KIRREL3: variants seen among roughly 807,000 people sequenced by gnomAD.
KIRREL3 encodes the protein kirre like nephrin family adhesion molecule 3, also known as kin of IRRE-like protein 3.
KIRREL3 carries 36 observed loss-of-function variants against 89.7 expected under a neutral mutation model. The ratio of observed to expected loss-of-function variants is 0.40; its 90% CI spans 0.31 to 0.53. The LOEUF is 0.53. KIRREL3 is among the 20% of genes least tolerant of loss of function. KIRREL3 has a pLI of 0.49. For missense variants in KIRREL3, 864 were observed against 1,056.6 expected (o/e 0.82, Z 2.53); for synonymous variants, 445 against 441.4 (o/e 1.01, Z -0.10).
rs577153787 is a variant in KIRREL3, at chr11:126,969,167, G to T, written c.55+31288C>A. 1.1e-4 allele frequency among the ~76,000 whole-genome samples: 16 copies of T among 152,206 alleles called. No homozygotes were observed. The South Asian group carries it at 3.3e-3, about 32-fold the overall frequency. On this transcript the variant is annotated intron_variant, in intron 1 of 16. Coordinates refer to ENST00000525144, the MANE Select transcript of KIRREL3 (RefSeq NM_032531.4). The surrounding 1 kb of genome is among the most constrained non-coding windows in gnomAD (Gnocchi z 4.9). The stretch of plus-strand genomic sequence containing the variant: ...GGGCCAATCAAACGACTTCTAAACC[G>T]CGAAAACAGGCCTGGGGCAAAAGAG...
At position 126,620,612 on chromosome 11, in the gene KIRREL3, CACT is replaced by C. The variant is rs2134836742; in HGVS notation, c.56-57703_56-57701del. 6.6e-6 allele frequency among the ~76,000 whole-genome samples: 1 copy of C among 152,230 alleles called. No individual in the cohort carries two copies. The highest frequency in any genetic ancestry group is 1.9e-4 in the East Asian group (1 of 5,172). ...CAAGCAGAGCCTCCTCCTTGAGAAC[CACT>C]GCCCTAGGAAGTTAAATCAAAGGAT... is the stretch of plus-strand genomic sequence containing the variant. On this transcript the variant is annotated intron_variant, in intron 1 of 16. Transcript: ENST00000525144. The surrounding 1 kb of genome is among the most constrained non-coding windows in gnomAD (Gnocchi z 4.8).
chr11:126,696,831 G>A lies in KIRREL3; in HGVS notation c.56-133919C>T, dbSNP rs537961474. On this transcript the variant is annotated intron_variant, in intron 1 of 16. Transcript: ENST00000525144. The surrounding 1 kb of genome is among the most constrained non-coding windows in gnomAD (Gnocchi z 4.4). ...GGGCAGGAGCTAGACTGTGGAATGA[G>A]GTTGACTAGCGCTTACATCCAGACA... is the stretch of plus-strand genomic sequence containing the variant. Among the ~76,000 whole-genome samples the A allele has an allele frequency of 3.0e-4, 45 of 152,326 alleles. No homozygotes were observed. Among genetic ancestry groups the A allele is most frequent in the African/African-American group, 1.0e-3 (43 of 41,578 alleles).
In KIRREL3 at chr11:126,573,200, A is replaced by G. The variant is rs186451566; in HGVS notation, c.56-10288T>C. 6.9e-3 allele frequency among the ~76,000 whole-genome samples: 1,047 copies of G among 152,284 alleles called. 11 individuals are homozygous for G. Among genetic ancestry groups the G allele is most frequent in the African/African-American group, 0.023 (972 of 41,554 alleles). The stretch of plus-strand genomic sequence containing the variant: ...TCACAGTCACAGCTGCCTGGTTCAC[A>G]GTCCAGTGGGCATGCGTTGCCTCGC... On this transcript the variant is annotated intron_variant, in intron 1 of 16. Coordinates refer to ENST00000525144, the MANE Select transcript of KIRREL3 (RefSeq NM_032531.4).
chr11:126,790,173 C>T (rs1950594999), intron 1 of KIRREL3, among the ~76,000 whole-genome samples: 1 of 152,234 alleles, frequency 6.6e-6, no homozygotes, highest in Non-Finnish European at 1.5e-5. Flanking sequence ...CAGATTTGTT[C>T]ACTTGTTTCT....
chr11:126,902,637 T>A (rs1320647060), intron 1 of KIRREL3, among the ~76,000 whole-genome samples: 1 of 152,166 alleles, frequency 6.6e-6, no homozygotes, highest in Non-Finnish European at 1.5e-5. Context: ...TGCGTCAAAG[T>A]CCCTCTCCTC....
At position 126,473,445 on chromosome 11, in the gene KIRREL3, A is replaced by G; in HGVS notation, c.455T>C (p.Ile152Thr). 6.4e-7 allele frequency: 1 copy of G among 1,564,962 alleles called. No homozygotes were observed. Among genetic ancestry groups the G allele is most frequent in the South Asian group, 1.2e-5 (1 of 86,504 alleles). ...TVLVPPDDPV[I>T]LGGPVISLRA... is the part of the protein sequence containing the mutation. The stretch of plus-strand genomic sequence containing the variant: ...CAGGCTGATCACAGGGCCCCCCAGG[A>G]TGACGGGGTCATCAGGCGGCACTGC... The change falls in exon 5 of 17, where the codon ATC becomes ACC. Residue 152 changes from isoleucine to threonine, a missense_variant. Ile to Thr is a moderately conservative substitution (Grantham distance 89). Transcript: ENST00000525144.
chr11:126,552,581 T>TTTTTTTG (rs1939368571), intron 2 of KIRREL3, among the ~76,000 whole-genome samples: 2 of 133,908 alleles, frequency 1.5e-5, no homozygotes, highest in African/African-American at 2.9e-5. Context: ...TTTTTTTTTT[T>TTTTTTTG]GAGACAGAGT....
intron 2 of KIRREL3, among the ~76,000 whole-genome samples, chr11:126,548,825 T>C (rs1446706329): frequency 6.6e-6 from 1 of 152,134 alleles, no homozygotes; most frequent in African/African-American, 2.4e-5. Flanking sequence ...GGCAATGACG[T>C]CAGTGGGCTC....
At position 126,475,973 on chromosome 11, in the gene KIRREL3, TG is replaced by T. The variant is rs1413484671; in HGVS notation, c.434-2508del. Among the ~76,000 whole-genome samples, 1 of 152,142 alleles carries T rather than the reference TG, an allele frequency of 6.6e-6. No homozygotes were observed. The highest frequency in any genetic ancestry group is 2.4e-5 in the African/African-American group (1 of 41,428). The stretch of plus-strand genomic sequence containing the variant: ...CTGAGGGCCTGGAAAAAGAGCCACG[TG>T]GAGCCCTGGGGACAGCCTGGATACC... On this transcript the variant is annotated intron_variant, in intron 4 of 16. Transcript: ENST00000525144. This position sits in a 1 kb window ranked among gnomAD's most constrained non-coding sequence, Gnocchi z 7.5.
intron 7 of KIRREL3, among the ~76,000 whole-genome samples, chr11:126,451,219 G>T (rs1195047628): frequency 2.0e-5 from 3 of 147,616 alleles, no homozygotes; most frequent in Non-Finnish European, 3.0e-5. Context: ...GCATGTGTGG[G>T]TGTGTGTATG....
At position 126,477,666 on chromosome 11, in the gene KIRREL3, A is replaced by G. The variant is rs539559229; in HGVS notation, c.434-4200T>C. The stretch of plus-strand genomic sequence containing the variant: ...CCAGCCTCGTCTGAGCAGGCTGGAA[A>G]AACTCTCTTGGTGCCAGGACAAGGA... On this transcript the variant is annotated intron_variant, in intron 4 of 16. Transcript: ENST00000525144. This position sits in a 1 kb window ranked among gnomAD's most constrained non-coding sequence, Gnocchi z 4.8. Among the ~76,000 whole-genome samples, 1 of 152,258 alleles carries G rather than the reference A, an allele frequency of 6.6e-6. No homozygotes were observed. Among genetic ancestry groups the G allele is most frequent in the Non-Finnish European group, 1.5e-5 (1 of 67,996 alleles).
At position 126,807,592 on chromosome 11, in the gene KIRREL3, A is replaced by G. The variant is rs1034741261; in HGVS notation, c.55+192863T>C. Reference sequence around the variant, plus strand: ...TTCATAGACACACGGAACCTCATGCAGGTACCCAATTATGCTGTGCCCTTC... The same window carrying G: ...TTCATAGACACACGGAACCTCATGCGGGTACCCAATTATGCTGTGCCCTTC... On this transcript the variant is annotated intron_variant, in intron 1 of 16. Coordinates refer to ENST00000525144, the MANE Select transcript of KIRREL3 (RefSeq NM_032531.4). This position sits in a 1 kb window ranked among gnomAD's most constrained non-coding sequence, Gnocchi z 4.3. 5.9e-5 allele frequency among the ~76,000 whole-genome samples: 9 copies of G among 152,226 alleles called. No individual in the cohort carries two copies. Among genetic ancestry groups the G allele is most frequent in the South Asian group, 4.1e-4 (2 of 4,820 alleles).
rs1163628010 is a variant in KIRREL3, at chr11:126,562,593, C to T, written c.133+242G>A. On this transcript the variant is annotated intron_variant, in intron 2 of 16. Transcript: ENST00000525144. The surrounding 1 kb of genome is among the most constrained non-coding windows in gnomAD (Gnocchi z 4.7). ...GAGAGAGGAAGAGAAGTAGGAGACA[C>T]AAAGGGAGAAGGGAAGATTGCATAA... Among the ~76,000 whole-genome samples the T allele has an allele frequency of 6.6e-6, 1 of 152,088 alleles. No individual in the cohort carries two copies. Among genetic ancestry groups the T allele is most frequent in the Non-Finnish European group, 1.5e-5 (1 of 68,002 alleles).
intron 1 of KIRREL3, among the ~76,000 whole-genome samples, chr11:126,916,752 G>A (rs1002489000): frequency 6.6e-6 from 1 of 152,192 alleles, no homozygotes; most frequent in Non-Finnish European, 1.5e-5. Flanking sequence ...TTTAGGTTTC[G>A]AAAAGAGATT....
chr11:126,939,822 C>T (rs1314702832), intron 1 of KIRREL3, among the ~76,000 whole-genome samples: 1 of 152,198 alleles, frequency 6.6e-6, no homozygotes, highest in Non-Finnish European at 1.5e-5. Context: ...AATGAATCTT[C>T]CTGCCAAGTT....
In KIRREL3 at chr11:126,620,374, A is replaced by G. The variant is rs574232595; in HGVS notation, c.56-57462T>C. Reference sequence around the variant, plus strand: ...GGCATCCAGTACCAAACACTCTTTCACCAGCCCAGGATTCTGAGGGGCTGT... The same window carrying G: ...GGCATCCAGTACCAAACACTCTTTCGCCAGCCCAGGATTCTGAGGGGCTGT... On this transcript the variant is annotated intron_variant, in intron 1 of 16. Transcript: ENST00000525144. This position sits in a 1 kb window ranked among gnomAD's most constrained non-coding sequence, Gnocchi z 4.8. Among the ~76,000 whole-genome samples the G allele has an allele frequency of 6.6e-6, 1 of 152,250 alleles. No individual in the cohort carries two copies. Among genetic ancestry groups the G allele is most frequent in the South Asian group, 2.1e-4 (1 of 4,820 alleles).
In KIRREL3 at chr11:126,776,548, A is replaced by G. The variant is rs549705902; in HGVS notation, c.56-213636T>C. Among the ~76,000 whole-genome samples the G allele has an allele frequency of 5.9e-5, 9 of 152,286 alleles. No homozygotes were observed. The highest frequency in any genetic ancestry group is 1.9e-4 in the African/African-American group (8 of 41,550). On this transcript the variant is annotated intron_variant, in intron 1 of 16. Coordinates refer to ENST00000525144, the MANE Select transcript of KIRREL3 (RefSeq NM_032531.4). The surrounding 1 kb of genome is among the most constrained non-coding windows in gnomAD (Gnocchi z 4.7). ...GGTGTCAGAGCCGTCGGTAGGGTTA[A>G]TGCAGGTCCCTTAAGAGAGATTGAG...
intron 1 of KIRREL3, among the ~76,000 whole-genome samples, chr11:126,613,893 T>TTGG (rs371748740): frequency 8.4e-6 from 1 of 118,642 alleles, no homozygotes; most frequent in Non-Finnish European, 1.7e-5. Context: ...TTTTTTTTTT[T>TTGG]ATTTTTTTCC....
chr11:126,444,912 TG>T, intron 10 of KIRREL3, 66 bp downstream of exon 10: 1 of 1,600,432 alleles, frequency 6.2e-7, no homozygotes, highest in Non-Finnish European at 8.5e-7. Context: ...GGGCTATGCC[TG>T]GTGCCAAGAT....
Sources: allele counts gnomAD v4.1 joint callset (sites outside exome capture counted in the v4.1 genomes callset), GRCh38; gene constraint gnomAD v4.1.1; non-coding constraint Gnocchi (gnomAD v3.1); transcripts MANE v1.5; gene names NCBI Gene and HGNC (gene_info 2026-07-23, HGNC 2026-07-21).